The following KCNH1 variants were observed in gnomAD, a reference collection of about 807,000 sequenced individuals.
The protein encoded by KCNH1 is voltage-gated delayed rectifier potassium channel KCNH1.
In KCNH1, 27 loss-of-function variants were observed where a neutral mutation model predicts 69.2. That is an observed-to-expected ratio of 0.39 (90% CI 0.29 to 0.54). KCNH1 has a LOEUF of 0.54. Among genes scored for constraint, KCNH1 ranks in the 20% least tolerant of loss-of-function variants. The pLI is 0.68. For missense variants in KCNH1, 798 were observed against 1,261.6 expected (o/e 0.63, Z 5.57); for synonymous variants, 456 against 487.7 (o/e 0.93, Z 0.86).
intron 10 of KCNH1, among the ~76,000 whole-genome samples, chr1:210,716,215 C>T (rs1682241920): frequency 6.6e-6 from 1 of 151,908 alleles, no homozygotes; most frequent in Non-Finnish European, 1.5e-5. Flanking sequence ...GGGTGGATCA[C>T]GAGGTCAGAA....
rs574693912 is a variant in KCNH1, at chr1:211,110,591, T to C, written c.80-3214A>G. Among the ~76,000 whole-genome samples, 30 of 152,280 alleles carry C rather than the reference T, an allele frequency of 2.0e-4. No homozygotes were observed. In the East Asian group the frequency reaches 5.8e-3, roughly 29 times the overall value. ...CCAATACATAATAAAGGATGGAATA[T>C]TTAATTATCATAAGTATCTGAATGT... On this transcript the variant is annotated intron_variant, in intron 1 of 10. Coordinates refer to ENST00000271751, the MANE Select transcript of KCNH1 (RefSeq NM_172362.3).
intron 6 of KCNH1, among the ~76,000 whole-genome samples, chr1:210,925,173 T>C (rs999766823): frequency 2.0e-5 from 3 of 152,112 alleles, no homozygotes. Flanking sequence ...AGGAAATCTA[T>C]AAAATGTCTA....
At chr1:211,055,121 A>C (rs764121352) in intron 5 of KCNH1, among the ~76,000 whole-genome samples, 13 of 152,232 alleles carry the variant, frequency 8.5e-5, no homozygotes, top group African/African-American at 1.2e-4. Context: ...GTGAGCAATC[A>C]TAGTACCTGG....
At chr1:211,062,621 G>A (rs1170511358) in intron 5 of KCNH1, among the ~76,000 whole-genome samples, 1 of 152,032 alleles carries the variant, frequency 6.6e-6, no homozygotes, top group Non-Finnish European at 1.5e-5. Flanking sequence ...TAAGTTAAAA[G>A]CTAATAATCT....
intron 6 of KCNH1, among the ~76,000 whole-genome samples, chr1:210,932,806 TATA>T (rs1687700746): frequency 6.6e-6 from 1 of 152,130 alleles, no homozygotes; most frequent in Non-Finnish European, 1.5e-5. Flanking sequence ...AGCAAGACAA[TATA>T]ATAACTGTAA....
intron 7 of KCNH1, among the ~76,000 whole-genome samples, chr1:210,814,972 C>T (rs1425822602): frequency 1.3e-5 from 2 of 152,162 alleles, no homozygotes; most frequent in Admixed American, 1.3e-4. Flanking sequence ...TTTGTTAATG[C>T]TGTTGACAAG....
chr1:210,836,111 CAAAAA>C (rs776429016), intron 7 of KCNH1, among the ~76,000 whole-genome samples: 1 of 93,376 alleles, frequency 1.1e-5, no homozygotes, highest in Middle Eastern at 5.7e-3. Context: ...GTCTCCGTCT[CAAAAA>C]AAAAAAAAAA....
intron 3 of KCNH1, among the ~76,000 whole-genome samples, chr1:211,099,167 A>G (rs779288039): frequency 3.3e-5 from 5 of 152,202 alleles, no homozygotes; most frequent in Non-Finnish European, 7.3e-5. Context: ...TTTTTGTGAC[A>G]AAGACTAAAT....
At chr1:211,078,988 G>C (rs1381262382) in intron 5 of KCNH1, among the ~76,000 whole-genome samples, 3 of 149,564 alleles carry the variant, frequency 2.0e-5, no homozygotes, top group Admixed American at 6.7e-5. Context: ...AGGAGATAGA[G>C]ACACAAAAAA....
chr1:211,133,728 T>C lies in KCNH1; in HGVS notation c.79+139A>G. 1 of 692,244 alleles carries C rather than the reference T, an allele frequency of 1.4e-6. No individual in the cohort carries two copies. The highest frequency in any genetic ancestry group is 1.8e-5 in the South Asian group (1 of 56,132). 42.9% of individuals were successfully genotyped at this position (692,244 alleles called of 1,614,324 possible). On this transcript the variant is annotated intron_variant, in intron 1 of 10. Transcript: ENST00000271751. This position sits in a 1 kb window ranked among gnomAD's most constrained non-coding sequence, Gnocchi z 5.4. The stretch of plus-strand genomic sequence containing the variant: ...CCACCTTTCTCTGCCTCGGGGAGGC[T>C]GCCCTGGGTGCCCGCGCCGCGGCTC...
At chr1:211,042,832 C>A (rs1690022299) in intron 5 of KCNH1, among the ~76,000 whole-genome samples, 1 of 152,126 alleles carries the variant, frequency 6.6e-6, no homozygotes. Flanking sequence ...CAAAGCCATG[C>A]AAATACATGG....
intron 7 of KCNH1, among the ~76,000 whole-genome samples, chr1:210,848,153 G>A (rs527752845): frequency 6.6e-6 from 1 of 152,318 alleles, no homozygotes; most frequent in South Asian, 2.1e-4. Context: ...GATAGTTAAA[G>A]ATAGTGTCTT....
chr1:210,907,858 A>G (rs77000744), intron 7 of KCNH1, among the ~76,000 whole-genome samples: 2,570 of 152,284 alleles, frequency 0.017, 63 homozygotes, highest in African/African-American at 0.059. Flanking sequence ...AGAGTTGCCA[A>G]GAGACATTAC....
intron 7 of KCNH1, chr1:210,858,867 T>TG: frequency 4.1e-6 from 1 of 246,822 alleles, no homozygotes; most frequent in Non-Finnish European, 7.9e-6. Flanking sequence ...CCCCTTTTGT[T>TG]TTCAGATTTC....
Position 210,683,431 on chromosome 1 carries a change from T to G in KCNH1, c.2820A>C (p.Leu940Phe). The change falls in exon 11 of 11, where the codon TTA becomes TTC. Residue 940 changes from leucine (L) to phenylalanine (F), a missense_variant. Leu to Phe is a conservative substitution (Grantham distance 22). This residue lies in a region of KCNH1 where 331 missense variants were observed against 363.2 expected (regional missense o/e 0.91). Coordinates refer to ENST00000271751, the MANE Select transcript of KCNH1 (RefSeq NM_172362.3). This position sits in a 1 kb window ranked among gnomAD's most constrained non-coding sequence, Gnocchi z 5.7. ...TCTCAATATTGGTCATTTTGGCGTT[T>G]AAGGCCTTGATGTCCTCCTTCAGCT... is the stretch of plus-strand genomic sequence containing the variant. The part of the protein sequence containing the change: ...RHELKEDIKA[L>F]NAKMTNIEKQ... The G allele has an allele frequency of 3.7e-6, 6 of 1,614,176 alleles. No homozygotes were observed. The highest frequency in any genetic ancestry group is 1.1e-5 in the South Asian group (1 of 91,080).
chr1:210,841,971 G>A (rs993619015), intron 7 of KCNH1, among the ~76,000 whole-genome samples: 8 of 152,096 alleles, frequency 5.3e-5, no homozygotes, highest in Admixed American at 3.9e-4. Flanking sequence ...GTTTTTAAGC[G>A]GCTATAACAT....
intron 5 of KCNH1, among the ~76,000 whole-genome samples, chr1:211,057,653 A>T (rs1385882191): frequency 6.6e-6 from 1 of 151,960 alleles, no homozygotes; most frequent in African/African-American, 2.4e-5. Context: ...AAATGAGAAA[A>T]AGAAAGAAGA....
chr1:210,762,147 A>G (rs906652450), intron 10 of KCNH1, among the ~76,000 whole-genome samples: 2 of 152,226 alleles, frequency 1.3e-5, no homozygotes, highest in Admixed American at 1.3e-4. Flanking sequence ...AACAAAATTA[A>G]GGCAGAAATT....
chr1:211,033,183 G>A (rs1490695146), intron 5 of KCNH1, among the ~76,000 whole-genome samples: 5 of 152,166 alleles, frequency 3.3e-5, no homozygotes, highest in Non-Finnish European at 7.3e-5. Context: ...ACTGGCCATT[G>A]GAGAAATGCA....
Sources: allele counts gnomAD v4.1 joint callset (sites outside exome capture counted in the v4.1 genomes callset), GRCh38; gene constraint gnomAD v4.1.1; regional missense constraint gnomAD v4.1.1; non-coding constraint Gnocchi (gnomAD v3.1); transcripts MANE v1.5; gene names NCBI Gene and HGNC (gene_info 2026-07-23, HGNC 2026-07-21).